The following TNPO1 variants were observed in gnomAD, a reference collection of about 807,000 sequenced individuals.
The protein encoded by TNPO1 is transportin-1.
In TNPO1, 8 loss-of-function variants were observed where a neutral mutation model predicts 119.5. The ratio of observed to expected loss-of-function variants is 0.07; its 90% CI spans 0.04 to 0.12. The LOEUF is 0.12. Ranked by LOEUF, TNPO1 falls within the 10% of genes least tolerant of loss-of-function variation. The pLI is 1.00. For missense variants in TNPO1, 576 were observed against 1,089.8 expected (o/e 0.53, Z 6.64); for synonymous variants, 362 against 363.0 (o/e 1.00, Z 0.03).
chr5:72,892,569 A>C (rs1320594700), intron 15 of TNPO1, among the ~76,000 whole-genome samples: 1 of 152,182 alleles, frequency 6.6e-6, no homozygotes, highest in Non-Finnish European at 1.5e-5. Context: ...CAGTATCTGC[A>C]GGGGATTGTT....
intron 3 of TNPO1, among the ~76,000 whole-genome samples, chr5:72,855,210 G>A (rs978085736): frequency 6.6e-6 from 1 of 151,830 alleles, no homozygotes; most frequent in African/African-American, 2.4e-5. Context: ...AGGCCGGTCT[G>A]GTCTCGAACT....
intron 9 of TNPO1, chr5:72,878,504 T>TC (rs1747987365): frequency 6.5e-6 from 1 of 153,770 alleles, no homozygotes; most frequent in Non-Finnish European, 1.5e-5. Context: ...TTTTTTTTTT[T>TC]CCCCAGATGT....
At chr5:72,876,952 G>A (rs7707509) in intron 8 of TNPO1, among the ~76,000 whole-genome samples, 72,807 of 151,546 alleles carry the variant, frequency 0.48, 18,605 homozygotes, top group Admixed American at 0.61. Flanking sequence ...AAAATTAGCC[G>A]GGTGTGGTGG....
At chr5:72,878,349 CT>C (rs1747969499) in intron 9 of TNPO1, among the ~76,000 whole-genome samples, 5 of 151,448 alleles carry the variant, frequency 3.3e-5, no homozygotes, top group African/African-American at 9.7e-5. Flanking sequence ...CCAAATAGTT[CT>C]CTAGGAAATT....
chr5:72,844,433 G>A (rs1295982934), intron 1 of TNPO1, among the ~76,000 whole-genome samples: 3 of 152,210 alleles, frequency 2.0e-5, no homozygotes, highest in African/African-American at 7.2e-5. Flanking sequence ...CCTATGCAAA[G>A]GCTCAGAGGT....
Position 72,888,103 on chromosome 5 carries a change from C to T in TNPO1, c.1329C>T (p.Tyr443=). ...GTTGCATGCAGGGCATGATTCCATA[C>T]TTGCCTGAGCTTATTCCTCACCTTA... ...AEGCMQGMIP[Y]LPELIPHLIQ... Residue 443 remains tyrosine, a synonymous_variant, in exon 13 of 25, where the codon TAC becomes TAT. Transcript: ENST00000337273. 1 of 1,613,954 alleles carries T rather than the reference C, an allele frequency of 6.2e-7. No homozygotes were observed. Among genetic ancestry groups the T allele is most frequent in the East Asian group, 2.2e-5 (1 of 44,880 alleles).
chr5:72,874,251 G>A (rs1300088500), intron 7 of TNPO1, among the ~76,000 whole-genome samples: 1 of 152,128 alleles, frequency 6.6e-6, no homozygotes, highest in Non-Finnish European at 1.5e-5. Context: ...GCCCTCAATA[G>A]CAATTTGCCA....
At chr5:72,889,765 T>C in intron 13 of TNPO1, 21 bp from the exon 14 acceptor site, 2 of 245,342 alleles carry the variant, frequency 8.2e-6, no homozygotes, top group Non-Finnish European at 1.4e-5. Flanking sequence ...ATAAGTATTC[T>C]TTTTTTTTTT....
intron 20 of TNPO1, among the ~76,000 whole-genome samples, chr5:72,899,374 T>A (rs1214173173): frequency 6.6e-6 from 1 of 152,134 alleles, no homozygotes; most frequent in Non-Finnish European, 1.5e-5. Flanking sequence ...ATTCAGTGAG[T>A]ACCATGAGAC....
At chr5:72,878,739 T>G (rs1748008067) in intron 9 of TNPO1, 1 of 248,788 alleles carries the variant, frequency 4.0e-6, no homozygotes, top group East Asian at 1.1e-4. Context: ...ACTTTAATGA[T>G]ACGTTTGAGT....
chr5:72,903,700 T>C lies in TNPO1; in HGVS notation c.2515-9T>C. On this transcript the variant is annotated splice_polypyrimidine_tract_variant and intron_variant, in intron 22 of 24. Transcript: ENST00000337273. ...TATCAACCTAAGATGTATTTCTTGC[T>C]TGTTACAGGATTTTATATTTTTTTG... 1 of 1,593,700 alleles carries C rather than the reference T, an allele frequency of 6.3e-7. No individual in the cohort carries two copies. Among genetic ancestry groups the C allele is most frequent in the Non-Finnish European group, 8.6e-7 (1 of 1,168,246 alleles).
chr5:72,865,857 C>A (rs186255260), intron 6 of TNPO1, 128 bp downstream of exon 6: 8 of 1,002,042 alleles, frequency 8.0e-6, no homozygotes, highest in Non-Finnish European at 1.1e-5. Context: ...GAGAGGTGAA[C>A]TTATGTAATT....
chr5:72,897,014 A>G (rs759007142), intron 19 of TNPO1, 42 bp from the exon 20 acceptor site: 29 of 1,358,210 alleles, frequency 2.1e-5, no homozygotes, highest in Admixed American at 1.2e-4. Context: ...TTAACGTTCA[A>G]TTTTTTCTTT....
At chr5:72,873,724 G>T (rs764080243) in intron 7 of TNPO1, among the ~76,000 whole-genome samples, 2 of 152,032 alleles carry the variant, frequency 1.3e-5, no homozygotes, top group East Asian at 1.9e-4. Flanking sequence ...CAAATCCAGC[G>T]TCTCAGTTTA....
chr5:72,864,766 G>A (rs193293142), intron 5 of TNPO1, among the ~76,000 whole-genome samples: 82 of 151,916 alleles, frequency 5.4e-4, no homozygotes, highest in African/African-American at 2.0e-3. Context: ...GCACCACCAC[G>A]CCCAGCTAAT....
chr5:72,910,599 C>G lies in TNPO1; in HGVS notation c.*1926C>G, dbSNP rs1000382829. ...ACAGCCTTTTTATATTTTAGTTTGT[C>G]ACCTTTGCATTGCAGAATAAATACT... On this transcript the variant is annotated 3_prime_UTR_variant, in exon 25 of 25. Coordinates refer to ENST00000337273, the MANE Select transcript of TNPO1 (RefSeq NM_002270.4). The G allele has an allele frequency of 6.6e-6, 1 of 152,512 alleles. No individual in the cohort carries two copies. Among genetic ancestry groups the G allele is most frequent in the Non-Finnish European group, 1.5e-5 (1 of 67,974 alleles). 9.4% of individuals were successfully genotyped at this position (152,512 alleles called of 1,614,324 possible).
chr5:72,820,092 C>T (rs1212364905), intron 1 of TNPO1, among the ~76,000 whole-genome samples: 1 of 152,116 alleles, frequency 6.6e-6, no homozygotes, highest in Non-Finnish European at 1.5e-5. Context: ...ACAGTTGAGA[C>T]TTTACTATGT....
At chr5:72,904,605 G>C (rs1750007444) in intron 23 of TNPO1, among the ~76,000 whole-genome samples, 1 of 152,166 alleles carries the variant, frequency 6.6e-6, no homozygotes, top group African/African-American at 2.4e-5. Flanking sequence ...AGACCAGCCT[G>C]GCCAACATGG....
At chr5:72,879,507 C>T (rs1472990281) in intron 9 of TNPO1, among the ~76,000 whole-genome samples, 1 of 152,194 alleles carries the variant, frequency 6.6e-6, no homozygotes, top group Non-Finnish European at 1.5e-5. Context: ...TCAAGCCAGT[C>T]ATGACTGAGT....
Sources: gnomAD v4.1 joint callset for allele counts (sites outside exome capture counted in the v4.1 genomes callset) on GRCh38, gnomAD v4.1.1 for gene constraint, MANE v1.5 for transcripts, NCBI Gene and HGNC (gene_info 2026-07-23, HGNC 2026-07-21) for gene names.